The following ZNF362 variants were observed in gnomAD, a reference collection of about 807,000 sequenced individuals.
ZNF362 encodes the protein rotund homolog.
In ZNF362, 11 loss-of-function variants were observed where a neutral mutation model predicts 42.9. The observed-to-expected ratio is 0.26, with a 90% CI of 0.16 to 0.42. ZNF362 has a LOEUF of 0.42. Among genes scored for constraint, ZNF362 ranks in the 20% least tolerant of loss-of-function variants. The pLI is 1.00. For synonymous variants in ZNF362, 255 were observed against 257.3 expected (o/e 0.99, Z 0.09); for missense variants, 362 against 576.2 (o/e 0.63, Z 3.81).
rs770585965 is a variant in ZNF362 at position 33,280,240 on chromosome 1, C to G, written c.466C>G (p.Leu156Val). ...STPTTTSQSR[L>V]IASSPTLISG... is the part of the protein sequence containing the mutation. ...ACCCACCACCACCAGCCAGAGCCGC[C>G]TCATCGCCTCGTCCCCCACCCTCAT... The change falls in exon 5 of 9, where the codon CTC becomes GTC. Residue 156 changes from leucine (L) to valine (V), a missense_variant. Leu to Val is a conservative substitution (Grantham distance 32, BLOSUM62 1). Coordinates refer to ENST00000539719, the MANE Select transcript of ZNF362 (RefSeq NM_152493.3). The surrounding 1 kb of genome is among the most constrained non-coding windows in gnomAD (Gnocchi z 5.6). 9.3e-6 allele frequency: 15 copies of G among 1,613,944 alleles called. No homozygotes were observed. The highest frequency in any genetic ancestry group is 2.7e-5 in the African/African-American group (2 of 74,930).
At chr1:33,175,759 C>T in the ZNF362 span, among the ~76,000 whole-genome samples, 3 of 151,906 alleles carry the variant, frequency 2.0e-5, no homozygotes, top group African/African-American at 4.8e-5. Context: ...GAGTAGGGAA[C>T]GAAAAAATCC....
intron 1 of ZNF362, among the ~76,000 whole-genome samples, chr1:33,262,848 AG>A (rs1645838498): frequency 1.3e-5 from 2 of 152,234 alleles, no homozygotes; most frequent in South Asian, 4.1e-4. Context: ...CTGGATCCCT[AG>A]GAGCCAGGAG....
rs547869423 is a variant in ZNF362 at position 33,281,323 on chromosome 1, C to T, written c.684-264C>T. On this transcript the variant is annotated intron_variant, in intron 5 of 8. Coordinates refer to ENST00000539719, the MANE Select transcript of ZNF362 (RefSeq NM_152493.3). The surrounding 1 kb of genome is among the most constrained non-coding windows in gnomAD (Gnocchi z 4.8). The stretch of plus-strand genomic sequence containing the variant: ...GGATATAGCCCTGGGCAAACCCTCA[C>T]CAGGATCAGGCCTGTCTTCCCTATG... 6.6e-6 allele frequency among the ~76,000 whole-genome samples: 1 copy of T among 152,290 alleles called. No individual in the cohort carries two copies. The highest frequency in any genetic ancestry group is 1.9e-4 in the East Asian group (1 of 5,182).
chr1:33,136,188 C>T, the ZNF362 span, among the ~76,000 whole-genome samples: 8 of 148,552 alleles, frequency 5.4e-5, no homozygotes, highest in African/African-American at 2.0e-4. Flanking sequence ...CCCTCTCTCC[C>T]TCCCTCCATT....
the ZNF362 span, among the ~76,000 whole-genome samples, chr1:33,196,869 T>C: frequency 1.3e-5 from 2 of 152,156 alleles, no homozygotes; most frequent in East Asian, 3.9e-4. Flanking sequence ...TTTGATTGGA[T>C]TGAAGGATGC....
chr1:33,159,873 G>A, the ZNF362 span: 2 of 1,612,540 alleles, frequency 1.2e-6, no homozygotes, highest in African/African-American at 1.3e-5. The surrounding 1 kb of genome is among the most constrained non-coding windows in gnomAD (Gnocchi z 4.2). Flanking sequence ...TGGCCTTCTG[G>A]CGTTCACGCA....
the ZNF362 span, among the ~76,000 whole-genome samples, chr1:33,245,764 C>G: frequency 2.6e-5 from 4 of 152,158 alleles, no homozygotes; most frequent in Non-Finnish European, 5.9e-5. Context: ...ATAGCAAGAC[C>G]TTGTCTCTAC....
At chr1:33,290,149 G>T (rs1377291428) in intron 6 of ZNF362, among the ~76,000 whole-genome samples, 2 of 152,080 alleles carry the variant, frequency 1.3e-5, no homozygotes, top group Non-Finnish European at 2.9e-5. Flanking sequence ...GAACGTGCAG[G>T]TTTGTTACAT....
chr1:33,219,284 C>T, the ZNF362 span, among the ~76,000 whole-genome samples: 11 of 152,190 alleles, frequency 7.2e-5, no homozygotes, highest in Non-Finnish European at 1.0e-4. Context: ...GTACGGTTGG[C>T]GCTCAGTGAG....
chr1:33,238,381 T>TAATAAAATAAAATAAAATCAATA, the ZNF362 span, among the ~76,000 whole-genome samples: 1 of 105,530 alleles, frequency 9.5e-6, no homozygotes, highest in East Asian at 2.8e-4. Context: ...TAAAATAAAA[T>TAATAAAATAAAATAAAATCAATA]AAATAAAATA....
At chr1:33,159,896 G>C in the ZNF362 span, 1 of 1,610,384 alleles carries the variant, frequency 6.2e-7, no homozygotes, top group Non-Finnish European at 8.5e-7. The surrounding 1 kb of genome is among the most constrained non-coding windows in gnomAD (Gnocchi z 4.2). Flanking sequence ...AGCCGGTGCA[G>C]CCGCTCGAAG....
the ZNF362 span, among the ~76,000 whole-genome samples, chr1:33,247,985 T>C: frequency 6.6e-6 from 1 of 152,252 alleles, no homozygotes; most frequent in Non-Finnish European, 1.5e-5. Context: ...GCCTTGCTTA[T>C]AGCAAATGCT....
chr1:33,128,203 CAAAAAAA>C, the ZNF362 span, among the ~76,000 whole-genome samples: 1 of 83,704 alleles, frequency 1.2e-5, no homozygotes, highest in Non-Finnish European at 2.5e-5. Context: ...CCCACCTCTC[CAAAAAAA>C]AAAAAAAAAA....
chr1:33,192,237 A>G, the ZNF362 span, among the ~76,000 whole-genome samples: 1 of 152,170 alleles, frequency 6.6e-6, no homozygotes, highest in Non-Finnish European at 1.5e-5. Context: ...TTTAACTACC[A>G]TTGCCTCCAC....
In ZNF362 at chr1:33,296,702, C is replaced by T. The variant is rs552099690; in HGVS notation, c.1146+1397C>T. On this transcript the variant is annotated intron_variant, in intron 8 of 8. Transcript: ENST00000539719. ...TGCGAACCCCCTGAGGGGTAACAAA[C>T]TTGGCACGTTACAAGAACTCAAAGG... Among the ~76,000 whole-genome samples, 5 of 152,178 alleles carry T rather than the reference C, an allele frequency of 3.3e-5. No individual in the cohort carries two copies. The East Asian group carries it at 9.7e-4, about 30-fold the overall frequency.
chr1:33,279,552 T>C (rs570197202), intron 4 of ZNF362, among the ~76,000 whole-genome samples: 21 of 152,260 alleles, frequency 1.4e-4, no homozygotes, highest in African/African-American at 5.1e-4. Context: ...TCAGTTGATA[T>C]TATGTTTCTA....
At chr1:33,223,034 C>T in the ZNF362 span, among the ~76,000 whole-genome samples, 2 of 152,016 alleles carry the variant, frequency 1.3e-5, no homozygotes, top group Non-Finnish European at 1.5e-5. Context: ...GGGTGGATCA[C>T]GAGGTCAGGA....
At chr1:33,169,178 CACTT>C in the ZNF362 span, among the ~76,000 whole-genome samples, 3 of 152,154 alleles carry the variant, frequency 2.0e-5, no homozygotes, top group African/African-American at 7.2e-5. Flanking sequence ...GGGACACAGA[CACTT>C]ACATCATGGG....
chr1:33,189,696 TACAC>T, the ZNF362 span, among the ~76,000 whole-genome samples: 76,716 of 94,174 alleles, frequency 0.81, 31,721 homozygotes, highest in Non-Finnish European at 0.86. Flanking sequence ...TATATATATA[TACAC>T]ATATATACGT....
Sources: gnomAD v4.1 joint callset for allele counts (sites outside exome capture counted in the v4.1 genomes callset) on GRCh38, gnomAD v4.1.1 for gene constraint, Gnocchi (gnomAD v3.1) non-coding constraint, MANE v1.5 for transcripts, NCBI Gene and HGNC (gene_info 2026-07-23, HGNC 2026-07-21) for gene names.